Variants in MILR1 observed in about 807,000 individuals in gnomAD.
MILR1 encodes allergin-1.
MILR1 carries 31 observed loss-of-function variants against 18.5 expected under a neutral mutation model. The observed-to-expected ratio is 1.68, with a 90% CI of 1.26 to 2.26. The LOEUF (loss-of-function observed/expected upper bound fraction) is 2.26. MILR1 is among the 30% of genes most tolerant of loss of function. The pLI is 0.00. For missense variants in MILR1, 257 were observed against 157.4 expected (o/e 1.63, Z -3.38); for synonymous variants, 85 against 56.2 (o/e 1.51, Z -2.30).
chr17:64,461,080 G>A (rs2037421613), intron 5 of MILR1, 148 bp downstream of exon 5: 2 of 360,988 alleles, frequency 5.5e-6, no homozygotes, highest in East Asian at 4.0e-5. Context: ...AAAGGGGGGC[G>A]GGAATGGAAT....
the MILR1 span, among the ~76,000 whole-genome samples, chr17:64,478,703 C>T: frequency 2.6e-5 from 4 of 151,988 alleles, no homozygotes; most frequent in East Asian, 7.7e-4. Flanking sequence ...CGAGACCAGC[C>T]TGGCCAACAT....
chr17:64,491,407 T>C, the MILR1 span: 2 of 662,884 alleles, frequency 3.0e-6, no homozygotes, highest in Non-Finnish European at 2.5e-6. Context: ...CCAGCCTGGG[T>C]AACAGAGCAA....
chr17:64,455,284 A>G (rs2144022104), intron 3 of MILR1, among the ~76,000 whole-genome samples: 1 of 152,278 alleles, frequency 6.6e-6, no homozygotes, highest in Admixed American at 6.5e-5. Context: ...ATAAAACTGT[A>G]TCATCTTCAG....
At chr17:64,459,457 G>GAAAAAT (rs2037374940) in intron 4 of MILR1, among the ~76,000 whole-genome samples, 1 of 151,850 alleles carries the variant, frequency 6.6e-6, no homozygotes, top group Non-Finnish European at 1.5e-5. Context: ...AAAAGAAAAA[G>GAAAAAT]AAAGAAAAGA....
chr17:64,488,833 T>C, the MILR1 span, among the ~76,000 whole-genome samples: 1 of 152,096 alleles, frequency 6.6e-6, no homozygotes, highest in African/African-American at 2.4e-5. Flanking sequence ...CCGGGCGTGG[T>C]GGCGCACACC....
chr17:64,479,308 C>T, the MILR1 span, among the ~76,000 whole-genome samples: 1 of 151,856 alleles, frequency 6.6e-6, no homozygotes, highest in Admixed American at 6.6e-5. Context: ...CTCAGCCTCC[C>T]AAGTAGCTAG....
chr17:64,469,129 A>G (rs2037647142), downstream of MILR1, among the ~76,000 whole-genome samples: 1 of 149,486 alleles, frequency 6.7e-6, no homozygotes, highest in African/African-American at 2.4e-5. Flanking sequence ...GAAAAAGGAA[A>G]AGGAAGGAAG....
intron 4 of MILR1, 53 bp from the exon 5 acceptor site, chr17:64,460,769 T>A (rs2037413526): frequency 2.1e-6 from 1 of 470,628 alleles, no homozygotes; most frequent in Admixed American, 3.2e-5. Context: ...ACTGGCTTAA[T>A]GTCATTGGAA....
intron 2 of MILR1, 36 bp downstream of exon 2, chr17:64,449,391 T>C (rs1435373855): frequency 2.3e-6 from 1 of 443,518 alleles, no homozygotes; most frequent in East Asian, 3.2e-5. Flanking sequence ...TTGAAACCAT[T>C]TTCACTGAAG....
At chr17:64,470,657 T>TAGG (rs2037674807), downstream of MILR1, among the ~76,000 whole-genome samples, 2 of 152,180 alleles carry the variant, frequency 1.3e-5, no homozygotes, top group African/African-American at 4.8e-5. Flanking sequence ...GCAGAACTGC[T>TAGG]AGATGTGCTC....
At chr17:64,462,319 T>C (rs1450914086) in intron 5 of MILR1, among the ~76,000 whole-genome samples, 14 of 152,110 alleles carry the variant, frequency 9.2e-5, no homozygotes, top group Non-Finnish European at 1.9e-4. Flanking sequence ...CGTGAGCCAC[T>C]GTGCCGGGCC....
At chr17:64,473,312 C>T (rs181643423), downstream of MILR1, among the ~76,000 whole-genome samples, 491 of 150,144 alleles carry the variant, frequency 3.3e-3, 2 homozygotes, top group African/African-American at 0.011. Context: ...GATCGCGCCA[C>T]TGCACTCCAG....
At chr17:64,491,510 T>TA in the MILR1 span, 4 of 1,501,952 alleles carry the variant, frequency 2.7e-6, no homozygotes, top group Non-Finnish European at 1.8e-6. Context: ...ACTATGTCTC[T>TA]AAAAAAACCA....
chr17:64,454,191 A>G (rs1193877851), intron 3 of MILR1, among the ~76,000 whole-genome samples: 17 of 149,970 alleles, frequency 1.1e-4, no homozygotes, highest in African/African-American at 4.2e-4. Context: ...AGCCTCCCAA[A>G]GTGCTGGGAT....
chr17:64,475,047 C>T, the MILR1 span, among the ~76,000 whole-genome samples: 1,095 of 151,674 alleles, frequency 7.2e-3, 13 homozygotes, highest in African/African-American at 0.025. Flanking sequence ...AAATTAACCA[C>T]GTGTGGTAGC....
chr17:64,497,159 G>A, the MILR1 span: 4 of 661,472 alleles, frequency 6.0e-6, no homozygotes, highest in Admixed American at 4.5e-5. Context: ...CCACCATGGC[G>A]GACGCCGGCT....
chr17:64,449,662 G>GT (rs1161558203), intron 2 of MILR1, among the ~76,000 whole-genome samples: 2 of 152,142 alleles, frequency 1.3e-5, no homozygotes, highest in Non-Finnish European at 2.9e-5. Flanking sequence ...CAGGCTGGGT[G>GT]TGGTGCCTCC....
chr17:64,483,016 G>A, the MILR1 span: 2 of 1,390,260 alleles, frequency 1.4e-6, no homozygotes, highest in Middle Eastern at 1.8e-4. Context: ...CAATTAAATG[G>A]GGGAGGGAGA....
At chr17:64,485,687 T>C in the MILR1 span, 10,686 of 1,532,156 alleles carry the variant, frequency 7.0e-3, 636 homozygotes, top group African/African-American at 0.13. Context: ...CAAACCCATA[T>C]TTTTAGTTTC....
Sources: allele counts gnomAD v4.1 joint callset (sites outside exome capture counted in the v4.1 genomes callset), GRCh38; gene constraint gnomAD v4.1.1; transcripts MANE v1.5; gene names NCBI Gene and HGNC (gene_info 2026-07-23, HGNC 2026-07-21).